Variants in SCART1 observed in about 807,000 individuals in gnomAD.
SCART1 encodes scavenger receptor family member expressed on T cells 1.
SCART1 carries 62 observed loss-of-function variants against 36.2 expected under a neutral mutation model. The ratio of observed to expected loss-of-function variants is 1.71; its 90% CI spans 1.40 to 2.12. The LOEUF is 2.12. Among genes scored for constraint, SCART1 ranks in the 30% most tolerant of loss-of-function variants. The pLI, the probability that SCART1 is intolerant of heterozygous loss-of-function variation, is 0.00. For missense variants in SCART1, 1,041 were observed against 540.5 expected (o/e 1.93, Z -9.18); for synonymous variants, 487 against 238.7 (o/e 2.04, Z -9.59).
At chr10:133,464,497 C>G (rs1357986234) in intron 6 of SCART1, 109 bp from the exon 7 acceptor site, 14 of 602,574 alleles carry the variant, frequency 2.3e-5, no homozygotes, top group African/African-American at 3.7e-5. Flanking sequence ...TATACTGTTT[C>G]TATAACTGAT....
At chr10:133,456,039 G>A (rs1420000814) in intron 1 of SCART1, among the ~76,000 whole-genome samples, 198 bp from the exon 2 acceptor site, 3 of 152,158 alleles carry the variant, frequency 2.0e-5, no homozygotes, top group African/African-American at 7.2e-5. Context: ...AGGGAGGGGA[G>A]TAGCCCCCGG....
chr10:133,460,596 C>T (rs1030908718), intron 6 of SCART1, among the ~76,000 whole-genome samples: 1 of 149,040 alleles, frequency 6.7e-6, no homozygotes, highest in Non-Finnish European at 1.5e-5. Flanking sequence ...AGTGCAGTGG[C>T]CCCATCACCG....
chr10:133,457,113 C>T, intron 2 of SCART1, 166 bp from the exon 3 acceptor site: 1 of 602,338 alleles, frequency 1.7e-6, no homozygotes. Flanking sequence ...TGAAGCTGGG[C>T]ACAGGGGTCT....
downstream of SCART1, among the ~76,000 whole-genome samples, chr10:133,469,339 A>C (rs1850793775): frequency 6.6e-6 from 1 of 152,140 alleles, no homozygotes; most frequent in Admixed American, 6.5e-5. Flanking sequence ...TTGCCTGTTC[A>C]CTCTGATGAC....
In SCART1 at chr10:133,465,567, T is replaced by G. The variant is rs1850756227; in HGVS notation, c.2659+2T>G. 7.2e-6 allele frequency: 4 copies of G among 552,632 alleles called. No homozygotes were observed. The highest frequency in any genetic ancestry group is 1.3e-5 in the Non-Finnish European group (4 of 316,594). 34.2% of individuals were successfully genotyped at this position (552,632 alleles called of 1,614,324 possible). On this transcript the variant is annotated splice_donor_variant, in intron 9 of 11. Transcript: ENST00000640237. LOFTEE classifies it high-confidence loss of function. ...AGGACGCGGGCGTGCGCTGCTGGGG[T>G]GAGTGGGGGGCGGTGGGAAGTCGGT...
At chr10:133,459,288 C>T (rs1427977083) in exon 5 of SCART1, 1 of 650,182 alleles carries the variant, frequency 1.5e-6, no homozygotes, top group Non-Finnish European at 2.8e-6. Flanking sequence ...GGGGCCCCGG[C>T]CTGTGCCCCG....
chr10:133,465,326 G>C (rs1327880580), exon 9 of SCART1: 2 of 688,142 alleles, frequency 2.9e-6, no homozygotes, highest in Non-Finnish European at 5.3e-6. Context: ...GCGGGCTCCT[G>C]GGGCACCGTG....
chr10:133,455,817 G>C (rs1426477903), intron 1 of SCART1, among the ~76,000 whole-genome samples: 1 of 152,032 alleles, frequency 6.6e-6, no homozygotes, highest in Non-Finnish European at 1.5e-5. Flanking sequence ...AAGGGTGAGC[G>C]GGGCACTCCA....
At chr10:133,459,321 G>T in exon 5 of SCART1, 2 of 638,570 alleles carry the variant, frequency 3.1e-6, no homozygotes, top group Non-Finnish European at 5.7e-6. Flanking sequence ...TCCGCGGTCT[G>T]CTCAGGTGGG....
chr10:133,465,788 G>A, intron 9 of SCART1: 1 of 691,854 alleles, frequency 1.4e-6, no homozygotes, highest in Non-Finnish European at 2.6e-6. Context: ...ATTCCCTTTT[G>A]TTTATTCCAA....
chr10:133,466,511 C>G (rs980331469), intron 10 of SCART1, 130 bp downstream of exon 10: 15 of 586,580 alleles, frequency 2.6e-5, no homozygotes, highest in African/African-American at 3.7e-5. Flanking sequence ...AGACCTACCC[C>G]CAAAGTCCAA....
At chr10:133,459,162 C>G (rs1038870817) in exon 5 of SCART1, 3 of 702,826 alleles carry the variant, frequency 4.3e-6, no homozygotes, top group Non-Finnish European at 7.8e-6. Flanking sequence ...TGTGGCAACG[C>G]GGTGGCCGCA....
chr10:133,458,970 A>G, intron 4 of SCART1, 51 bp from the exon 5 acceptor site: 1 of 639,384 alleles, frequency 1.6e-6, no homozygotes, highest in Non-Finnish European at 2.8e-6. Flanking sequence ...ACAGACAGCC[A>G]TGTTCTGGGT....
chr10:133,454,518 T>C (rs1041057833), intron 1 of SCART1, among the ~76,000 whole-genome samples: 2 of 151,702 alleles, frequency 1.3e-5, no homozygotes, highest in African/African-American at 2.4e-5. Flanking sequence ...GACACTGGGG[T>C]GTGAAGCCAT....
intron 6 of SCART1, among the ~76,000 whole-genome samples, chr10:133,462,253 G>A (rs1040372715): frequency 1.3e-5 from 2 of 152,236 alleles, no homozygotes; most frequent in Non-Finnish European, 2.9e-5. Flanking sequence ...CCAAGGTCCT[G>A]TGCATACGTC....
At chr10:133,460,490 T>TATATATATATATATATATA (rs1564834608) in intron 6 of SCART1, among the ~76,000 whole-genome samples, 3 of 102,928 alleles carry the variant, frequency 2.9e-5, no homozygotes, top group South Asian at 3.6e-4. Context: ...ATATATATAT[T>TATATATATATATATATATA]TATATATTTT....
chr10:133,460,560 C>T (rs988895470), intron 6 of SCART1, among the ~76,000 whole-genome samples: 2 of 32,052 alleles, frequency 6.2e-5, no homozygotes, highest in African/African-American at 9.9e-5. Flanking sequence ...TATTTTGAGA[C>T]GGTCTCACTG....
chr10:133,454,547 CA>C (rs1464032077), intron 1 of SCART1, among the ~76,000 whole-genome samples: 1 of 152,040 alleles, frequency 6.6e-6, no homozygotes, highest in Non-Finnish European at 1.5e-5. Context: ...GCTGCTGGGT[CA>C]GGGGCAGGGA....
At chr10:133,464,651 G>A (rs1195461831) in exon 7 of SCART1, 1 of 678,774 alleles carries the variant, frequency 1.5e-6, no homozygotes, top group African/African-American at 1.8e-5. Context: ...TGCTGTGCTG[G>A]GTGGCTGGAC....
Sources: allele counts gnomAD v4.1 joint callset (sites outside exome capture counted in the v4.1 genomes callset), GRCh38; gene constraint gnomAD v4.1.1; transcripts MANE v1.5; gene names NCBI Gene and HGNC (gene_info 2026-07-23, HGNC 2026-07-21).